The following TRHDE variants were observed in gnomAD, a reference collection of about 807,000 sequenced individuals.
TRHDE encodes thyrotropin releasing hormone degrading enzyme, also known as thyrotropin-releasing hormone-degrading ectoenzyme.
TRHDE carries 72 observed loss-of-function variants against 125.7 expected under a neutral mutation model. That is an observed-to-expected ratio of 0.57 (90% CI 0.47 to 0.70). The LOEUF is 0.70. TRHDE is among the 30% of genes least tolerant of loss of function. The pLI is 0.00. For synonymous variants in TRHDE, 509 were observed against 509.1 expected (o/e 1.00, Z 0.00); for missense variants, 1,110 against 1,327.1 (o/e 0.84, Z 2.54).
chr12:72,265,581 G>A (rs566915369), intron 2 of TRHDE, among the ~76,000 whole-genome samples: 20 of 151,204 alleles, frequency 1.3e-4, no homozygotes, highest in African/African-American at 4.1e-4. Flanking sequence ...TTCAGTTCAC[G>A]ATTAAGAAAA....
At chr12:72,146,470 G>T (rs1032244674) in intron 2 of TRHDE, among the ~76,000 whole-genome samples, 1 of 152,188 alleles carries the variant, frequency 6.6e-6, no homozygotes, top group Non-Finnish European at 1.5e-5. Context: ...AATCTTTCCA[G>T]ATATGAATAT....
At chr12:72,358,123 T>C (rs1411731149) in intron 2 of TRHDE, among the ~76,000 whole-genome samples, 1 of 151,664 alleles carries the variant, frequency 6.6e-6, no homozygotes, top group South Asian at 2.1e-4. Flanking sequence ...TAAAAGGTTT[T>C]CTTTACAACA....
At chr12:72,631,822 T>C (rs1290712191) in intron 15 of TRHDE, among the ~76,000 whole-genome samples, 1 of 151,954 alleles carries the variant, frequency 6.6e-6, no homozygotes, top group Non-Finnish European at 1.5e-5. Flanking sequence ...GACAGCTTTA[T>C]GGTTATGCCA....
intron 1 of TRHDE, among the ~76,000 whole-genome samples, chr12:72,092,483 G>T (rs1874813705): frequency 6.6e-6 from 1 of 152,184 alleles, no homozygotes; most frequent in South Asian, 2.1e-4. Context: ...CTCTCTTCTT[G>T]TCTCTGGGAC....
At chr12:72,208,982 C>T (rs1877723377) in intron 2 of TRHDE, among the ~76,000 whole-genome samples, 1 of 152,122 alleles carries the variant, frequency 6.6e-6, no homozygotes. Flanking sequence ...CATAGATAAT[C>T]CCTGCCTTTC....
At chr12:72,363,909 CA>C in intron 2 of TRHDE, among the ~76,000 whole-genome samples, 1 of 152,078 alleles carries the variant, frequency 6.6e-6, no homozygotes, top group South Asian at 2.1e-4. Context: ...AGCTGATAAG[CA>C]ACTTCAGCAA....
At chr12:72,511,810 C>T (rs923469195) in intron 6 of TRHDE, among the ~76,000 whole-genome samples, 1 of 152,104 alleles carries the variant, frequency 6.6e-6, no homozygotes, top group African/African-American at 2.4e-5. Context: ...TTGCACTTCT[C>T]CCCATTATAT....
chr12:72,424,656 C>G (rs1430824963), intron 3 of TRHDE, among the ~76,000 whole-genome samples: 2 of 152,144 alleles, frequency 1.3e-5, no homozygotes, highest in African/African-American at 4.8e-5. Context: ...TCTCTTCTTG[C>G]TAAATTCCAT....
Position 72,151,827 on chromosome 12 carries a change from C to T in TRHDE, n.279+46075C>T, listed in dbSNP as rs1876373738. Among the ~76,000 whole-genome samples the T allele has an allele frequency of 5.3e-5, 8 of 152,236 alleles. No individual in the cohort carries two copies. The South Asian group carries it at 1.7e-3, about 32-fold the overall frequency. ...TGTAGTATAGTTTGAAGTCAGGTAG[C>T]ATGATGCCTCCAGCTTTGTTCTTTG... On this transcript the variant is annotated intron_variant and non_coding_transcript_variant, in intron 2 of 4. Transcript: ENST00000548156.
In TRHDE at chr12:72,447,366, A is replaced by G. The variant is rs898502092; in HGVS notation, c.1316-22392A>G. On this transcript the variant is annotated intron_variant, in intron 3 of 18. Transcript: ENST00000261180. ...AGAATCTCTGGGACACATTTACAGCAGTGTGTAGAGGGAAATTTATAGCAC... is the reference window on the plus strand; with the variant it reads ...AGAATCTCTGGGACACATTTACAGCGGTGTGTAGAGGGAAATTTATAGCAC... Among the ~76,000 whole-genome samples, 3 of 152,300 alleles carry G rather than the reference A, an allele frequency of 2.0e-5. No individual in the cohort carries two copies. In the South Asian group the frequency reaches 6.2e-4, roughly 32 times the overall value.
intron 2 of TRHDE, chr12:72,257,595 TC>T (rs1341615711): frequency 6.6e-6 from 1 of 152,200 alleles, no homozygotes; most frequent in African/African-American, 2.4e-5. Context: ...TCATTGTTTC[TC>T]AGATGCTTTA....
intron 1 of TRHDE, among the ~76,000 whole-genome samples, chr12:72,098,416 A>AT (rs149615661): frequency 5.8e-4 from 87 of 149,736 alleles, no homozygotes; most frequent in Non-Finnish European, 1.2e-3. Flanking sequence ...CTTTTTAAAC[A>AT]TTTTTTTTTT....
intron 2 of TRHDE, among the ~76,000 whole-genome samples, chr12:72,312,387 A>G (rs1297305935): frequency 6.6e-6 from 1 of 152,240 alleles, no homozygotes; most frequent in Non-Finnish European, 1.5e-5. Context: ...AGGAGGTTAG[A>G]ACAACTTATA....
intron 2 of TRHDE, chr12:72,263,762 T>C (rs2139396299): frequency 6.6e-6 from 1 of 152,220 alleles, no homozygotes; most frequent in African/African-American, 2.4e-5. Flanking sequence ...TATAATCAGA[T>C]TTTAGCAAGC....
At chr12:72,547,082 C>T (rs942836925) in intron 7 of TRHDE, among the ~76,000 whole-genome samples, 10 of 151,504 alleles carry the variant, frequency 6.6e-5, no homozygotes, top group African/African-American at 2.2e-4. Context: ...AATGGCTAAC[C>T]GTCTGACACA....
chr12:72,299,174 T>C (rs2135683838), intron 2 of TRHDE, among the ~76,000 whole-genome samples: 1 of 152,344 alleles, frequency 6.6e-6, no homozygotes, highest in South Asian at 2.1e-4. Context: ...ATGAGACTTG[T>C]AGGAAACAAA....
intron 2 of TRHDE, among the ~76,000 whole-genome samples, chr12:72,358,085 G>A (rs1031796483): frequency 6.6e-6 from 1 of 151,478 alleles, no homozygotes; most frequent in Non-Finnish European, 1.5e-5. Context: ...GTACTTAGGA[G>A]GGATTGATAA....
intron 2 of TRHDE, among the ~76,000 whole-genome samples, chr12:72,144,857 G>T (rs916574573): frequency 1.3e-5 from 2 of 152,182 alleles, no homozygotes; most frequent in Admixed American, 6.5e-5. Flanking sequence ...CTCTTGGTAT[G>T]TAACATCTAT....
At chr12:72,345,127 G>A (rs12161818) in intron 2 of TRHDE, among the ~76,000 whole-genome samples, 18,809 of 152,078 alleles carry the variant, frequency 0.12, 1,739 homozygotes, top group East Asian at 0.46. Flanking sequence ...GCTAAATTGT[G>A]TAATAGTTTT....
Sources: gnomAD v4.1 joint callset for allele counts (sites outside exome capture counted in the v4.1 genomes callset) on GRCh38, gnomAD v4.1.1 for gene constraint, MANE v1.5 for transcripts, NCBI Gene and HGNC (gene_info 2026-07-23, HGNC 2026-07-21) for gene names.